The following ABCC4 variants were observed in gnomAD, a reference collection of about 807,000 sequenced individuals.
ABCC4 encodes the protein ATP binding cassette subfamily C member 4 (PEL blood group), also known as ATP-binding cassette sub-family C member 4.
ABCC4 carries 102 observed loss-of-function variants against 168.5 expected under a neutral mutation model. The observed-to-expected ratio is 0.61, with a 90% CI of 0.52 to 0.71. The LOEUF is 0.71. ABCC4 is among the 30% of genes least tolerant of loss of function. The probability of loss-of-function intolerance (pLI) is 0.00; values close to 1 mark genes in which losing one functional copy is unlikely to be tolerated. For missense variants in ABCC4, 1,402 were observed against 1,605.8 expected, an observed-to-expected ratio of 0.87 and a Z score of 2.17; for synonymous variants, 617 against 590.7, an observed-to-expected ratio of 1.04 and a Z score of -0.65.
At chr13:95,221,066 G>C (rs1450798288) in intron 4 of ABCC4, among the ~76,000 whole-genome samples, 1 of 152,182 alleles carries the variant, frequency 6.6e-6, no homozygotes, top group East Asian at 1.9e-4. Context: ...CTGAGGACAT[G>C]ATGCGAAGTG....
chr13:95,227,233 A>G (rs2039490793), intron 4 of ABCC4, among the ~76,000 whole-genome samples: 1 of 152,204 alleles, frequency 6.6e-6, no homozygotes, highest in Admixed American at 6.5e-5. Context: ...CTCCCTCCTT[A>G]ACTTGCTTTC....
intron 16 of ABCC4, 148 bp from the exon 17 acceptor site, chr13:95,163,795 G>T: frequency 1.5e-6 from 1 of 655,242 alleles, no homozygotes; most frequent in Non-Finnish European, 2.7e-6. Context: ...CACTTTGGGA[G>T]GCTGAGGCAG....
At chr13:95,260,511 T>A (rs2040504567) in intron 1 of ABCC4, among the ~76,000 whole-genome samples, 1 of 152,124 alleles carries the variant, frequency 6.6e-6, no homozygotes, top group Admixed American at 6.5e-5. Flanking sequence ...TATAGTCAGG[T>A]ACCTGGGAAG....
At chr13:95,242,716 A>G (rs2039981746) in intron 3 of ABCC4, among the ~76,000 whole-genome samples, 1 of 152,168 alleles carries the variant, frequency 6.6e-6, no homozygotes, top group Non-Finnish European at 1.5e-5. Flanking sequence ...AAAACCCAAA[A>G]CAACACCTGA....
chr13:95,222,751 T>C (rs1481185561), intron 4 of ABCC4, among the ~76,000 whole-genome samples: 1 of 152,174 alleles, frequency 6.6e-6, no homozygotes, highest in Non-Finnish European at 1.5e-5. Flanking sequence ...AGAGATCATG[T>C]CTTAGAATTC....
intron 19 of ABCC4, among the ~76,000 whole-genome samples, chr13:95,139,044 A>G (rs1267196090): frequency 6.6e-6 from 1 of 152,018 alleles, no homozygotes; most frequent in Non-Finnish European, 1.5e-5. Context: ...CTCTCCTTCC[A>G]CGGAGCCAAT....
intron 19 of ABCC4, among the ~76,000 whole-genome samples, chr13:95,116,627 T>C (rs1033781842): frequency 1.3e-5 from 2 of 152,206 alleles, no homozygotes; most frequent in Admixed American, 1.3e-4. Flanking sequence ...GAGGAAATTA[T>C]GCAGGAAAAC....
At chr13:95,119,679 C>T (rs374972664) in intron 19 of ABCC4, among the ~76,000 whole-genome samples, 12 of 152,292 alleles carry the variant, frequency 7.9e-5, no homozygotes, top group African/African-American at 2.6e-4. Context: ...CCCTTATAAC[C>T]GTACTACAAT....
At position 95,242,557 on chromosome 13, in the gene ABCC4, C is replaced by T. The variant is rs1271836212; in HGVS notation, c.306+4418G>A. Among the ~76,000 whole-genome samples, 5 of 152,276 alleles carry T rather than the reference C, an allele frequency of 3.3e-5. No individual in the cohort carries two copies. In the East Asian group the frequency reaches 9.6e-4, roughly 29 times the overall value. ...TCTTTTTTAGAGACAAGGTCTTGCT[C>T]TGTCACCCATGCTGGAGTGCAGTGG... On this transcript the variant is annotated intron_variant, in intron 3 of 30. Coordinates refer to ENST00000645237, the MANE Select transcript of ABCC4 (RefSeq NM_005845.5).
chr13:95,254,832 G>A (rs1052841770), intron 1 of ABCC4, among the ~76,000 whole-genome samples: 6 of 151,978 alleles, frequency 3.9e-5, no homozygotes, highest in African/African-American at 1.2e-4. Flanking sequence ...GTTTTCCCCT[G>A]GAGGCATCTA....
chr13:95,212,928 GA>G (rs1173066886), intron 4 of ABCC4, among the ~76,000 whole-genome samples: 1 of 152,080 alleles, frequency 6.6e-6, no homozygotes, highest in Non-Finnish European at 1.5e-5. Context: ...GGGAGTTCGA[GA>G]CCAGCCTGGT....
chr13:95,290,997 C>CAAAAAAAAAAAAA (rs762030761), intron 1 of ABCC4, among the ~76,000 whole-genome samples: 12,521 of 36,220 alleles, frequency 0.35, 2,772 homozygotes, highest in East Asian at 0.54. Context: ...GACCCTGTCT[C>CAAAAAAAAAAAAA]AAAAAAAAAA....
chr13:95,301,096 C>A (rs1223335491), intron 1 of ABCC4, 145 bp downstream of exon 1: 2 of 724,144 alleles, frequency 2.8e-6, no homozygotes, highest in South Asian at 3.1e-5. Flanking sequence ...CAGCAGAAAG[C>A]CCCGGCGTGG....
At chr13:95,261,505 T>A (rs2040531173) in intron 1 of ABCC4, among the ~76,000 whole-genome samples, 1 of 152,164 alleles carries the variant, frequency 6.6e-6, no homozygotes. Context: ...GCTGTATCTA[T>A]GAGCAGCTCT....
At chr13:95,272,875 G>A (rs534951405) in intron 1 of ABCC4, among the ~76,000 whole-genome samples, 11 of 152,198 alleles carry the variant, frequency 7.2e-5, no homozygotes, top group Non-Finnish European at 1.2e-4. Context: ...GTGACAGAGC[G>A]AGACTCCGTC....
intron 20 of ABCC4, among the ~76,000 whole-genome samples, chr13:95,095,442 G>T (rs2034562754): frequency 6.6e-6 from 1 of 152,164 alleles, no homozygotes; most frequent in African/African-American, 2.4e-5. Context: ...CTCAGGAATG[G>T]AAAACCAAAC....
chr13:95,292,128 C>T (rs369780634), intron 1 of ABCC4, among the ~76,000 whole-genome samples: 18 of 152,122 alleles, frequency 1.2e-4, no homozygotes, highest in African/African-American at 3.9e-4. Flanking sequence ...GAGGCTAGGG[C>T]GGGAGGATCA....
intron 30 of ABCC4, among the ~76,000 whole-genome samples, chr13:95,026,725 T>C (rs549650242): frequency 5.9e-5 from 9 of 151,910 alleles, no homozygotes; most frequent in African/African-American, 1.9e-4. Context: ...CTTGTCTCTA[T>C]GGGGGGAAAA....
At chr13:95,188,428 G>C (rs2038140053) in intron 10 of ABCC4, 25 bp downstream of exon 10, 1 of 1,609,438 alleles carries the variant, frequency 6.2e-7, no homozygotes, top group Admixed American at 1.7e-5. Context: ...GTTGCAACAA[G>C]CTGCCAAAAG....
Sources: gnomAD v4.1 joint callset for allele counts (sites outside exome capture counted in the v4.1 genomes callset) on GRCh38, gnomAD v4.1.1 for gene constraint, MANE v1.5 for transcripts, NCBI Gene and HGNC (gene_info 2026-07-23, HGNC 2026-07-21) for gene names.